Variants in CCDC192 observed in about 807,000 individuals in gnomAD.
CCDC192 encodes coiled-coil domain-containing protein 192.
At chr5:127,745,402 A>C (rs1322472041) in intron 2 of CCDC192, among the ~76,000 whole-genome samples, 3 of 152,206 alleles carry the variant, frequency 2.0e-5, no homozygotes, top group African/African-American at 7.2e-5. Flanking sequence ...AATGAAGTCT[A>C]CTCTTACAAT....
At chr5:127,748,940 A>G (rs1188194365) in intron 2 of CCDC192, among the ~76,000 whole-genome samples, 3 of 152,000 alleles carry the variant, frequency 2.0e-5, no homozygotes, top group African/African-American at 4.8e-5. Flanking sequence ...AATGCCTGTG[A>G]TTTTTGCACA....
At chr5:127,931,215 C>T (rs1754021525) in intron 6 of CCDC192, among the ~76,000 whole-genome samples, 1 of 152,158 alleles carries the variant, frequency 6.6e-6, no homozygotes, top group Admixed American at 6.5e-5. Flanking sequence ...CTTTCCCACC[C>T]CTACCCATAG....
intron 3 of CCDC192, among the ~76,000 whole-genome samples, chr5:127,790,704 T>G (rs1226910857): frequency 1.3e-5 from 2 of 152,200 alleles, no homozygotes; most frequent in Non-Finnish European, 2.9e-5. Context: ...GAAAACATAT[T>G]AGGCATTCTG....
In CCDC192 at chr5:127,840,249, G is replaced by A. The variant is rs1466768051; in HGVS notation, c.412-35289G>A. 2.6e-5 allele frequency among the ~76,000 whole-genome samples: 4 copies of A among 152,116 alleles called. No individual in the cohort carries two copies. The East Asian group carries it at 7.7e-4, about 29-fold the overall frequency. On this transcript the variant is annotated intron_variant, in intron 5 of 6. Transcript: ENST00000514853. Reference sequence around the variant, plus strand: ...TTGGACTTGACATTCTTAAATAACTGGGTAAGAAGTTAAATGTATAAGGCT... The same window carrying A: ...TTGGACTTGACATTCTTAAATAACTAGGTAAGAAGTTAAATGTATAAGGCT...
At chr5:127,710,708 C>G (rs1751275535) in intron 2 of CCDC192, among the ~76,000 whole-genome samples, 1 of 152,142 alleles carries the variant, frequency 6.6e-6, no homozygotes, top group South Asian at 2.1e-4. Flanking sequence ...AGGGTGGTGT[C>G]TGGCATCATC....
chr5:127,932,321 C>T (rs1191919256), intron 6 of CCDC192, among the ~76,000 whole-genome samples: 2 of 151,996 alleles, frequency 1.3e-5, no homozygotes, highest in Non-Finnish European at 2.9e-5. Flanking sequence ...ACTCCCACCT[C>T]AGCCTCCCAA....
chr5:127,911,967 G>C (rs1753372860), intron 6 of CCDC192, among the ~76,000 whole-genome samples: 1 of 151,842 alleles, frequency 6.6e-6, no homozygotes, highest in African/African-American at 2.4e-5. Context: ...TGTCGCCCAG[G>C]CTGGAGTGCT....
At chr5:127,753,925 A>G (rs1207540508) in intron 2 of CCDC192, among the ~76,000 whole-genome samples, 1 of 152,224 alleles carries the variant, frequency 6.6e-6, no homozygotes, top group African/African-American at 2.4e-5. Flanking sequence ...TCTAGGTGAC[A>G]TCTTCCATCA....
chr5:127,771,829 T>G (rs1755568990), intron 3 of CCDC192, among the ~76,000 whole-genome samples: 1 of 152,172 alleles, frequency 6.6e-6, no homozygotes, highest in Non-Finnish European at 1.5e-5. Context: ...GCTCACAGGT[T>G]TGAAGGGTGA....
At chr5:127,786,806 A>G in intron 3 of CCDC192, 1 of 569,152 alleles carries the variant, frequency 1.8e-6, no homozygotes. Context: ...CAATGTACTG[A>G]GCTCCTTCAG....
chr5:127,726,879 C>T lies in CCDC192; in HGVS notation c.114+19119C>T, dbSNP rs921842317. On this transcript the variant is annotated intron_variant, in intron 2 of 6. Coordinates refer to ENST00000514853, the MANE Select transcript of CCDC192 (RefSeq NM_001317938.2). ...TGGGATTCCTCCCACACAGTGCACC[C>T]GCTCCACCAAGGGGCCACCAGAGTG... is the stretch of plus-strand genomic sequence containing the variant. Among the ~76,000 whole-genome samples the T allele has an allele frequency of 5.9e-5, 9 of 152,186 alleles. 1 individual carries two copies. The highest frequency in any genetic ancestry group is 9.7e-5 in the African/African-American group (4 of 41,440).
At chr5:127,849,566 C>T (rs1321859473) in intron 5 of CCDC192, among the ~76,000 whole-genome samples, 1 of 152,174 alleles carries the variant, frequency 6.6e-6, no homozygotes, top group East Asian at 1.9e-4. Flanking sequence ...CTACAAGTAC[C>T]TAAATACCAT....
At chr5:127,761,974 A>G (rs1754956559) in intron 3 of CCDC192, among the ~76,000 whole-genome samples, 1 of 152,218 alleles carries the variant, frequency 6.6e-6, no homozygotes, top group Non-Finnish European at 1.5e-5. Context: ...GAACAAAGAT[A>G]CCAGCAAATT....
chr5:127,773,349 A>G (rs1387129434), intron 3 of CCDC192, among the ~76,000 whole-genome samples: 1 of 152,174 alleles, frequency 6.6e-6, no homozygotes, highest in African/African-American at 2.4e-5. Flanking sequence ...TGCATTCCCA[A>G]TATTGTGCAA....
chr5:127,780,616 A>G (rs1756156420), intron 3 of CCDC192, among the ~76,000 whole-genome samples: 2 of 152,036 alleles, frequency 1.3e-5, no homozygotes, highest in Non-Finnish European at 2.9e-5. Flanking sequence ...CCATTTGTAT[A>G]TCTCATTTTC....
chr5:127,879,267 C>A (rs966191071), intron 6 of CCDC192, among the ~76,000 whole-genome samples: 1 of 150,952 alleles, frequency 6.6e-6, no homozygotes, highest in Non-Finnish European at 1.5e-5. Context: ...GAACAGAGCC[C>A]TCAGAAGTAA....
intron 6 of CCDC192, among the ~76,000 whole-genome samples, chr5:127,927,974 T>C (rs1228356979): frequency 1.4e-5 from 2 of 139,308 alleles, no homozygotes; most frequent in Admixed American, 7.7e-5. Context: ...GGAGTCTCAC[T>C]CTGAGTGAAG....
intron 2 of CCDC192, among the ~76,000 whole-genome samples, chr5:127,748,784 T>G (rs1379736294): frequency 6.8e-6 from 1 of 146,360 alleles, no homozygotes; most frequent in Non-Finnish European, 1.5e-5. Context: ...TTTATTTCCT[T>G]GAGCAGTGGT....
intron 2 of CCDC192, among the ~76,000 whole-genome samples, chr5:127,714,301 A>C (rs1751498586): frequency 6.6e-6 from 1 of 152,208 alleles, no homozygotes; most frequent in Non-Finnish European, 1.5e-5. Context: ...TGCAACAAAC[A>C]TGAGTGTGCA....
Sources: allele counts gnomAD v4.1 joint callset (sites outside exome capture counted in the v4.1 genomes callset), GRCh38; gene constraint gnomAD v4.1.1; transcripts MANE v1.5; gene names NCBI Gene and HGNC (gene_info 2026-07-23, HGNC 2026-07-21).